The following PRSS37 variants were observed in gnomAD, a reference collection of about 807,000 sequenced individuals.
The protein encoded by PRSS37 is serine protease 37.
In PRSS37, 25 loss-of-function variants were observed where a neutral mutation model predicts 28.0. That is an observed-to-expected ratio of 0.89 (90% CI 0.65 to 1.25). The LOEUF (loss-of-function observed/expected upper bound fraction) is 1.25, where lower values mean the gene tolerates loss of function less well. PRSS37 is among the 50% of genes most tolerant of loss of function. The pLI, the probability that PRSS37 is intolerant of heterozygous loss-of-function variation, is 0.00. For missense variants in PRSS37, 282 were observed against 292.2 expected, an observed-to-expected ratio of 0.97 and a Z score of 0.25; for synonymous variants, 109 against 107.8, an observed-to-expected ratio of 1.01 and a Z score of -0.07.
chr7:141,838,513 T>C, intron 2 of PRSS37: 10 of 1,031,970 alleles, frequency 9.7e-6, no homozygotes, highest in Non-Finnish European at 1.2e-5. Context: ...GCTGATGCAC[T>C]AACAGTCCTA....
chr7:141,836,392 G>A lies in PRSS37; in HGVS notation c.*3C>T, dbSNP rs1453315371. ...AGTGGAATGCAGAGGGAGAAGTAGGGTCTCACTTGTCCTTAGCAGTGTTCT... is the reference window on the plus strand; with the variant it reads ...AGTGGAATGCAGAGGGAGAAGTAGGATCTCACTTGTCCTTAGCAGTGTTCT... On this transcript the variant is annotated 3_prime_UTR_variant, in exon 5 of 5. Coordinates refer to ENST00000350549, the MANE Select transcript of PRSS37 (RefSeq NM_001008270.3). The A allele has an allele frequency of 1.9e-6, 3 of 1,613,708 alleles. No homozygotes were observed. The highest frequency in any genetic ancestry group is 1.1e-5 in the South Asian group (1 of 91,052).
Position 141,839,503 on chromosome 7 carries a change from A to G in PRSS37, c.35-24T>C, listed in dbSNP as rs1380313763. On this transcript the variant is annotated intron_variant, in intron 1 of 4. Coordinates refer to ENST00000350549, the MANE Select transcript of PRSS37 (RefSeq NM_001008270.3). ...CCCTGAGAAAATAATGAACATTCTT[A>G]ATACATAAATATTATAAAAATAAGG... 4 of 1,548,612 alleles carry G rather than the reference A, an allele frequency of 2.6e-6. No individual in the cohort carries two copies. In the African/African-American group the frequency reaches 5.5e-5, roughly 21 times the overall value.
intron 1 of PRSS37, among the ~76,000 whole-genome samples, chr7:141,840,268 A>G (rs570720028): frequency 6.6e-6 from 1 of 152,186 alleles, no homozygotes; most frequent in Non-Finnish European, 1.5e-5. Flanking sequence ...AACATACCCT[A>G]GAGAATAAAG....
chr7:141,837,509 C>G, intron 3 of PRSS37: 1 of 1,378,402 alleles, frequency 7.3e-7, no homozygotes. Flanking sequence ...AGGCAATTCT[C>G]AGAGGTGTCC....
chr7:141,839,487 A>AT lies in PRSS37; in HGVS notation c.35-9_35-8insA, dbSNP rs1432757038. On this transcript the variant is annotated splice_polypyrimidine_tract_variant and intron_variant, in intron 1 of 4. Coordinates refer to ENST00000350549, the MANE Select transcript of PRSS37 (RefSeq NM_001008270.3). The stretch of plus-strand genomic sequence containing the variant: ...CAGCAAAGAAAAATGTCCCTGAGAA[A>AT]ATAATGAACATTCTTAATACATAAA... The AT allele has an allele frequency of 6.2e-7, 1 of 1,602,034 alleles. No homozygotes were observed. The highest frequency in any genetic ancestry group is 1.7e-5 in the Admixed American group (1 of 59,762).
chr7:141,837,594 G>A (rs1801003919), intron 3 of PRSS37: 2 of 1,508,562 alleles, frequency 1.3e-6, no homozygotes, highest in Non-Finnish European at 1.8e-6. Context: ...TGCCAATCAG[G>A]AATGGCTGGG....
intron 2 of PRSS37, 67 bp from the exon 3 acceptor site, chr7:141,838,180 A>G: frequency 1.2e-6 from 2 of 1,600,156 alleles, no homozygotes; most frequent in Non-Finnish European, 1.7e-6. Flanking sequence ...ACTGAATGTT[A>G]CAAAGTGCCA....
At chr7:141,839,287 T>A in intron 2 of PRSS37, 51 bp downstream of exon 2, 1 of 1,587,126 alleles carries the variant, frequency 6.3e-7, no homozygotes, top group South Asian at 1.1e-5. Context: ...GAACCACTGA[T>A]CTAGAATGAA....
rs898263682 is a variant in PRSS37 at position 141,838,668 on chromosome 7, C to T, written c.177-555G>A. On this transcript the variant is annotated intron_variant, in intron 2 of 4. Transcript: ENST00000350549. The stretch of plus-strand genomic sequence containing the variant: ...AGAGTGAGATTGGAGTACTTATCCT[C>T]CCAGGTCCCTCCCTGCAGTTTTGTC... 11 of 255,742 alleles carry T rather than the reference C, an allele frequency of 4.3e-5. 1 individual carries two copies. The South Asian group carries it at 4.8e-4, about 11-fold the overall frequency. The allele number at this position is 255,742 out of a possible 1,614,324, so 15.8% of individuals were successfully genotyped here. A position where few individuals can be genotyped will look rare whatever the true frequency, so the allele number is the denominator to read the frequency against.
At chr7:141,837,651 C>T (rs1037852036) in intron 3 of PRSS37, 32 of 1,525,340 alleles carry the variant, frequency 2.1e-5, no homozygotes, top group Non-Finnish European at 2.8e-5. Context: ...TGCCAAAGCC[C>T]TGCAGAGGCA....
chr7:141,837,312 A>C (rs1584800661), intron 3 of PRSS37, 64 bp from the exon 4 acceptor site: 396 of 1,518,074 alleles, frequency 2.6e-4, no homozygotes, highest in East Asian at 1.8e-4. Flanking sequence ...CCTTCTGACC[A>C]CCAGCCTCTA....
intron 3 of PRSS37, chr7:141,837,523 A>G (rs1156427939): frequency 7.0e-7 from 1 of 1,436,510 alleles, no homozygotes; most frequent in African/African-American, 1.4e-5. Flanking sequence ...GGTGTCCTTT[A>G]CATGTGAAAT....
At position 141,841,132 on chromosome 7, in the gene PRSS37, C is replaced by T. The variant is rs1801138042; in HGVS notation, c.-83G>A. On this transcript the variant is annotated 5_prime_UTR_variant, in exon 1 of 5. Transcript: ENST00000350549. ...GTTGGCTTAGTTGTCTTCTCAGGAA[C>T]ACCTGGTAGACTCAGTGGCTATGGT... 8.7e-6 allele frequency: 14 copies of T among 1,603,636 alleles called. No homozygotes were observed. Among genetic ancestry groups the T allele is most frequent in the South Asian group, 1.1e-5 (1 of 90,230 alleles).
At chr7:141,837,452 G>C (rs1800999890) in intron 3 of PRSS37, 1 of 1,073,562 alleles carries the variant, frequency 9.3e-7, no homozygotes, top group Admixed American at 2.3e-5. Context: ...CTTTAAGGTA[G>C]AGTATATTTT....
At chr7:141,838,610 A>G (rs556911200) in intron 2 of PRSS37, 5 of 290,936 alleles carry the variant, frequency 1.7e-5, no homozygotes, top group Non-Finnish European at 2.4e-5. Context: ...TCTATTGGCC[A>G]ATAGGAAGCA....
intron 4 of PRSS37, 118 bp downstream of exon 4, chr7:141,836,994 C>A: frequency 9.6e-7 from 1 of 1,038,984 alleles, no homozygotes; most frequent in Non-Finnish European, 1.4e-6. Context: ...GGCTTTGCAG[C>A]AGCCTTATCA....
chr7:141,840,168 G>T (rs1247351503), intron 1 of PRSS37, among the ~76,000 whole-genome samples: 5 of 152,054 alleles, frequency 3.3e-5, no homozygotes, highest in African/African-American at 7.2e-5. Flanking sequence ...ACTAAGAGGT[G>T]GGATTATGAA....
rs749320020 is a variant in PRSS37 at position 141,837,855 on chromosome 7, C to T, written c.430+5G>A. On this transcript the variant is annotated splice_donor_5th_base_variant and intron_variant, in intron 3 of 4. Coordinates refer to ENST00000350549, the MANE Select transcript of PRSS37 (RefSeq NM_001008270.3). Reference sequence around the variant, plus strand: ...ACCCTGATTTGCTGTGGAAGGCACACTTACCACTGTTTTCTTGGCTCCAGT... The same window carrying T: ...ACCCTGATTTGCTGTGGAAGGCACATTTACCACTGTTTTCTTGGCTCCAGT... 3 of 1,607,224 alleles carry T rather than the reference C, an allele frequency of 1.9e-6. No individual in the cohort carries two copies. The highest frequency in any genetic ancestry group is 4.5e-5 in the East Asian group (2 of 44,770).
Position 141,841,225 on chromosome 7 carries a change from C to G in PRSS37, c.-176G>C. 5 of 1,376,250 alleles carry G rather than the reference C, an allele frequency of 3.6e-6. No homozygotes were observed. In the South Asian group the frequency reaches 7.3e-5, roughly 20 times the overall value. 85.3% of individuals were successfully genotyped at this position (1,376,250 alleles called of 1,614,324 possible). On this transcript the variant is annotated 5_prime_UTR_variant, in exon 1 of 5. Coordinates refer to ENST00000350549, the MANE Select transcript of PRSS37 (RefSeq NM_001008270.3). ...CATAAACAGGGGAGGGAGATGGCTT[C>G]AGAGAGACAGATGAAAGCCCTCTGT...
Sources: allele counts gnomAD v4.1 joint callset (sites outside exome capture counted in the v4.1 genomes callset), GRCh38; gene constraint gnomAD v4.1.1; transcripts MANE v1.5; gene names NCBI Gene and HGNC (gene_info 2026-07-23, HGNC 2026-07-21).